Variants in DLC1 observed in about 807,000 individuals in gnomAD.
DLC1 encodes DLC1 Rho GTPase activating protein, also known as rho GTPase-activating protein 7.
In DLC1, 54 loss-of-function variants were observed where a neutral mutation model predicts 140.3. That is an observed-to-expected ratio of 0.38 (90% confidence interval 0.31 to 0.48). The LOEUF (loss-of-function observed/expected upper bound fraction) is 0.48. DLC1 is among the 20% of genes least tolerant of loss of function. The pLI, the probability that DLC1 is intolerant of heterozygous loss-of-function variation, is 0.96. For missense variants in DLC1, 2,536 were observed against 1,907.0 expected (o/e 1.33, Z -6.14); for synonymous variants, 986 against 728.1 (o/e 1.35, Z -5.70).
chr8:13,479,882 AGAAAG>A (rs1325092436), intron 2 of DLC1, among the ~76,000 whole-genome samples: 4 of 109,728 alleles, frequency 3.6e-5, no homozygotes, highest in African/African-American at 1.3e-4. Flanking sequence ...AAAGAAAGAA[AGAAAG>A]AAAAAGAAAG....
At position 13,567,545 on chromosome 8, in the gene DLC1, C is replaced by T. The variant is rs925263888; in HGVS notation, c.-126+36992G>A. On this transcript the variant is annotated intron_variant, in intron 1 of 1. Coordinates refer to the DLC1 transcript ENST00000631382. ...TACTTTAAAAACATGAGGACAACGC[C>T]AAAACAGGAGGCAGCAGCTAAGCAA... is the stretch of plus-strand genomic sequence containing the variant. The T allele has an allele frequency of 3.2e-6, 5 of 1,551,552 alleles. No individual in the cohort carries two copies. The Admixed American group carries it at 9.8e-5, about 30-fold the overall frequency.
intron 5 of DLC1, among the ~76,000 whole-genome samples, chr8:13,154,317 G>A (rs532124170): frequency 1.3e-5 from 2 of 152,296 alleles, no homozygotes; most frequent in Admixed American, 6.5e-5. Flanking sequence ...AGGAATGGCC[G>A]GCTGCAGGTC....
At chr8:13,299,743 A>G (rs966464265) in intron 5 of DLC1, among the ~76,000 whole-genome samples, 10 of 152,190 alleles carry the variant, frequency 6.6e-5, no homozygotes, top group African/African-American at 2.4e-4. Context: ...GTTTAATAAC[A>G]GGACCATTTA....
chr8:13,457,106 A>T (rs1244720094), intron 2 of DLC1, among the ~76,000 whole-genome samples: 2 of 152,134 alleles, frequency 1.3e-5, no homozygotes, highest in African/African-American at 2.4e-5. Context: ...GGTTGCACTT[A>T]GTATTTTTCT....
chr8:13,467,745 A>G (rs77694984), intron 2 of DLC1, among the ~76,000 whole-genome samples: 6,160 of 152,246 alleles, frequency 0.04, 379 homozygotes, highest in African/African-American at 0.13. Flanking sequence ...CAATTAATCA[A>G]TCAATAGATG....
chr8:13,315,428 C>G (rs956864537), intron 4 of DLC1, among the ~76,000 whole-genome samples: 3 of 152,240 alleles, frequency 2.0e-5, no homozygotes, highest in Non-Finnish European at 4.4e-5. Flanking sequence ...AGGACAAATG[C>G]TTGGGCAGAA....
At chr8:13,510,327 C>G (rs1275204287) in intron 1 of DLC1, among the ~76,000 whole-genome samples, 1 of 152,078 alleles carries the variant, frequency 6.6e-6, no homozygotes, top group Non-Finnish European at 1.5e-5. Context: ...GTGCCTGCTA[C>G]CATGCCTGGC....
intron 5 of DLC1, among the ~76,000 whole-genome samples, chr8:13,219,347 T>C (rs1760810993): frequency 1.2e-5 from 1 of 81,910 alleles, no homozygotes; most frequent in African/African-American, 5.5e-5. Context: ...ATTATATAAA[T>C]CATATAGTTA....
chr8:13,287,507 G>A (rs1260032006), intron 5 of DLC1, among the ~76,000 whole-genome samples: 1 of 152,196 alleles, frequency 6.6e-6, no homozygotes, highest in African/African-American at 2.4e-5. Flanking sequence ...AGTAGCTCTA[G>A]ATGGAGAGAA....
intron 5 of DLC1, among the ~76,000 whole-genome samples, chr8:13,142,326 G>T (rs973743525): frequency 2.0e-5 from 3 of 152,186 alleles, no homozygotes; most frequent in Admixed American, 6.5e-5. Flanking sequence ...GTAGAGAAAG[G>T]ATTAGATCTG....
chr8:13,223,032 T>C (rs533546915), intron 5 of DLC1, among the ~76,000 whole-genome samples: 1 of 152,300 alleles, frequency 6.6e-6, no homozygotes, highest in Admixed American at 6.5e-5. Context: ...GGATTATAGG[T>C]ATGAACCACC....
At chr8:13,090,107 C>G in intron 15 of DLC1, 145 bp downstream of exon 15, 1 of 695,472 alleles carries the variant, frequency 1.4e-6, no homozygotes, top group Non-Finnish European at 2.4e-6. Context: ...CCACGGGGAT[C>G]TTACTCACCC....
At position 13,580,159 on chromosome 8, in the gene DLC1, G is replaced by A. The variant is rs572668334; in HGVS notation, c.-126+24378C>T. 7.5e-4 allele frequency among the ~76,000 whole-genome samples: 112 copies of A among 148,380 alleles called. 1 individual carries two copies. Among genetic ancestry groups the A allele is most frequent in the African/African-American group, 2.5e-3 (102 of 40,132 alleles). On this transcript the variant is annotated intron_variant, in intron 1 of 1. Transcript: ENST00000631382. ...TTTTTTTGAGACAGAGTTTTGCTCT[G>A]TTGTCCAGGCTGGAGTGCAGTGGCG...
rs1427444125 is a variant in DLC1 at position 13,173,973 on chromosome 8, C to G, written c.1349-58316G>C. On this transcript the variant is annotated intron_variant, in intron 5 of 17. Coordinates refer to ENST00000276297, the MANE Select transcript of DLC1 (RefSeq NM_182643.3). ...ACGATCTCATCACCCAGGTAGTGAA[C>G]ATAGTATCCAATAGGTCATTTCTCA... 1.1e-4 allele frequency among the ~76,000 whole-genome samples: 17 copies of G among 152,184 alleles called. No homozygotes were observed. In the East Asian group the frequency reaches 2.9e-3, roughly 26 times the overall value.
intron 3 of DLC1, among the ~76,000 whole-genome samples, chr8:13,398,585 T>A (rs1362052177): frequency 8.8e-6 from 1 of 113,036 alleles, no homozygotes; most frequent in Non-Finnish European, 1.7e-5. Context: ...CTGGGCAACA[T>A]AGAGAAACCC....
chr8:13,295,142 A>G (rs1156325756), intron 5 of DLC1, among the ~76,000 whole-genome samples: 1 of 152,174 alleles, frequency 6.6e-6, no homozygotes, highest in East Asian at 1.9e-4. Flanking sequence ...AGAAAGGGGG[A>G]ATTTTAAAAA....
chr8:13,102,682 G>T, intron 8 of DLC1, 108 bp downstream of exon 8: 1 of 1,004,362 alleles, frequency 1.0e-6, no homozygotes, highest in Non-Finnish European at 1.6e-6. Flanking sequence ...GATGCTTACG[G>T]AACAACAAAC....
chr8:13,588,478 A>C (rs1399381713), intron 1 of DLC1, among the ~76,000 whole-genome samples: 1 of 152,136 alleles, frequency 6.6e-6, no homozygotes, highest in Non-Finnish European at 1.5e-5. Flanking sequence ...GAATATTATC[A>C]TTGCCATGCT....
chr8:13,420,836 G>A (rs1838289367), intron 2 of DLC1, among the ~76,000 whole-genome samples: 2 of 152,018 alleles, frequency 1.3e-5, no homozygotes, highest in African/African-American at 2.4e-5. Flanking sequence ...AAATGGAGTG[G>A]CAAATACAGA....
Sources: gnomAD v4.1 joint callset for allele counts (sites outside exome capture counted in the v4.1 genomes callset) on GRCh38, gnomAD v4.1.1 for gene constraint, MANE v1.5 for transcripts, NCBI Gene and HGNC (gene_info 2026-07-23, HGNC 2026-07-21) for gene names.